TSHZ3: variants seen among roughly 807,000 people sequenced by gnomAD.
The protein encoded by TSHZ3 is teashirt zinc finger homeobox 3.
In TSHZ3, 10 loss-of-function variants were observed where a neutral mutation model predicts 64.5. The ratio of observed to expected loss-of-function variants is 0.16; its 90% CI spans 0.10 to 0.26. The LOEUF (loss-of-function observed/expected upper bound fraction) is 0.26, where lower values mean the gene tolerates loss of function less well. Among genes scored for constraint, TSHZ3 ranks in the 10% least tolerant of loss-of-function variants. The pLI is 1.00. For missense variants in TSHZ3, 1,242 were observed against 1,421.7 expected (o/e 0.87, Z 2.03); for synonymous variants, 608 against 593.1 (o/e 1.03, Z -0.36).
chr19:31,183,280 T>C (rs2145129257), intron 5 of TSHZ3, among the ~76,000 whole-genome samples: 1 of 151,624 alleles, frequency 6.6e-6, no homozygotes, highest in East Asian at 2.0e-4. Flanking sequence ...CCTTTGCCAG[T>C]GTAGGTGCTG....
At chr19:31,239,156 T>C (rs1470221081) in intron 3 of TSHZ3, among the ~76,000 whole-genome samples, 2 of 152,162 alleles carry the variant, frequency 1.3e-5, no homozygotes, top group Non-Finnish European at 2.9e-5. Context: ...TGTTTTACAA[T>C]AAATATTTTT....
At chr19:31,300,560 C>T (rs1208735603) in intron 1 of TSHZ3, among the ~76,000 whole-genome samples, 1 of 152,102 alleles carries the variant, frequency 6.6e-6, no homozygotes, top group Admixed American at 6.6e-5. Flanking sequence ...AGGGATGGCC[C>T]CAGGAGAGCT....
At chr19:31,192,643 GT>G (rs1974928061) in intron 5 of TSHZ3, among the ~76,000 whole-genome samples, 1 of 152,052 alleles carries the variant, frequency 6.6e-6, no homozygotes, top group Non-Finnish European at 1.5e-5. Flanking sequence ...ATCCAACATT[GT>G]TTTGGGGCCA....
intron 4 of TSHZ3, among the ~76,000 whole-genome samples, chr19:31,213,084 G>A (rs749565143): frequency 5.9e-5 from 9 of 151,908 alleles, no homozygotes; most frequent in Non-Finnish European, 1.0e-4. Flanking sequence ...GACTGGGTGC[G>A]GTGGCTCAAG....
intron 4 of TSHZ3, among the ~76,000 whole-genome samples, chr19:31,224,637 C>T (rs180841826): frequency 1.8e-4 from 27 of 152,262 alleles, no homozygotes; most frequent in Admixed American, 1.6e-3. Flanking sequence ...AATACTCTAG[C>T]CTTAGGGCTT....
intron 1 of TSHZ3, among the ~76,000 whole-genome samples, chr19:31,262,047 C>G (rs1422798338): frequency 1.3e-5 from 2 of 152,172 alleles, no homozygotes; most frequent in African/African-American, 2.4e-5. Context: ...TAGCTTGGAG[C>G]CTCAGTCACA....
intron 1 of TSHZ3, among the ~76,000 whole-genome samples, chr19:31,248,592 G>C (rs943587405): frequency 6.7e-6 from 1 of 149,956 alleles, no homozygotes; most frequent in Non-Finnish European, 1.5e-5. Context: ...GACCAGCCCA[G>C]GCAACACAGC....
intron 1 of TSHZ3, among the ~76,000 whole-genome samples, chr19:31,295,574 C>T (rs904278248): frequency 5.9e-5 from 9 of 152,032 alleles, no homozygotes; most frequent in African/African-American, 2.2e-4. Flanking sequence ...CAAAGCTCAC[C>T]TGTGGTGTTA....
chr19:31,221,196 G>A (rs558577138), intron 4 of TSHZ3, among the ~76,000 whole-genome samples: 1 of 152,286 alleles, frequency 6.6e-6, no homozygotes, highest in Non-Finnish European at 1.5e-5. Flanking sequence ...TGTAGCATTA[G>A]AGGTAAGGGT....
intron 1 of TSHZ3, chr19:31,348,817 GGAA>G: frequency 4.3e-6 from 1 of 234,908 alleles, no homozygotes; most frequent in Non-Finnish European, 8.2e-6. Context: ...CGGAGGACGC[GGAA>G]GATGTCCCGG....
At chr19:31,151,460 C>T (rs1321410550) in exon 7 of TSHZ3, among the ~76,000 whole-genome samples, 1 of 152,132 alleles carries the variant, frequency 6.6e-6, no homozygotes, top group Non-Finnish European at 1.5e-5. Context: ...TCTGACCTAG[C>T]CACCCAGTCT....
intron 1 of TSHZ3, among the ~76,000 whole-genome samples, chr19:31,266,950 G>C (rs912524717): frequency 6.6e-6 from 1 of 152,136 alleles, no homozygotes; most frequent in Non-Finnish European, 1.5e-5. Flanking sequence ...AGTACACCTC[G>C]GGCCCTGTCC....
rs760897421 is a variant in TSHZ3, at chr19:31,279,756, C to A, written c.41-4G>T. On this transcript the variant is annotated splice_region_variant and splice_polypyrimidine_tract_variant and intron_variant, in intron 1 of 1. Coordinates refer to ENST00000240587, the MANE Select transcript of TSHZ3 (RefSeq NM_020856.4). This position sits in a 1 kb window ranked among gnomAD's most constrained non-coding sequence, Gnocchi z 6.4. The stretch of plus-strand genomic sequence containing the variant: ...TTTAACTCTTCGGAAACATAGGCTG[C>A]CATGATAACAGGTGGGAAAGAGAGA... 7 of 1,481,796 alleles carry A rather than the reference C, an allele frequency of 4.7e-6. No individual in the cohort carries two copies. The highest frequency in any genetic ancestry group is 6.3e-6 in the Non-Finnish European group (7 of 1,116,120). The allele number at this position is 1,481,796 out of a possible 1,614,324, so 91.8% of individuals were successfully genotyped here. A position where few individuals can be genotyped will look rare whatever the true frequency, so the allele number is the denominator to read the frequency against.
At chr19:31,161,811 C>T (rs983933087) in intron 5 of TSHZ3, among the ~76,000 whole-genome samples, 1 of 152,240 alleles carries the variant, frequency 6.6e-6, no homozygotes, top group Admixed American at 6.5e-5. Context: ...GCAGGCCACA[C>T]GGTCTCTGTT....
intron 1 of TSHZ3, among the ~76,000 whole-genome samples, chr19:31,335,222 C>T (rs950927446): frequency 3.3e-5 from 5 of 152,212 alleles, no homozygotes; most frequent in African/African-American, 1.2e-4. Flanking sequence ...TGCCCTTCCC[C>T]GACGAACCGC....
chr19:31,164,129 G>C (rs1013505717), intron 5 of TSHZ3, among the ~76,000 whole-genome samples: 4 of 152,086 alleles, frequency 2.6e-5, no homozygotes, highest in African/African-American at 9.7e-5. Flanking sequence ...GACAGCCAGA[G>C]GTCTAGAGGA....
At chr19:31,311,817 G>A (rs11084579) in intron 1 of TSHZ3, among the ~76,000 whole-genome samples, 47,444 of 152,018 alleles carry the variant, frequency 0.31, 7,596 homozygotes, top group East Asian at 0.47. Context: ...TCCACCTCCC[G>A]GGTTCAAGGG....
At chr19:31,184,953 G>A (rs11882360) in intron 5 of TSHZ3, among the ~76,000 whole-genome samples, 6,051 of 152,240 alleles carry the variant, frequency 0.04, 403 homozygotes, top group African/African-American at 0.14. Flanking sequence ...CCCCCAAGGG[G>A]TTAAGGAAGA....
Position 31,277,408 on chromosome 19 carries a change from C to T in TSHZ3, c.2385G>A (p.Gly795=). The change falls in exon 2 of 2, where the codon GGG becomes GGA. Residue 795 remains glycine (G), a synonymous_variant. Transcript: ENST00000240587. The surrounding 1 kb of genome is among the most constrained non-coding windows in gnomAD (Gnocchi z 4.5). ...NNDQPIDLTK[G]KSDKGCSLGS... is the part of the protein sequence containing the mutation. ...CCAAGGAGCAGCCTTTGTCACTCTT[C>T]CCTTTTGTCAAGTCTATGGGCTGGT... 3 of 1,614,100 alleles carry T rather than the reference C, an allele frequency of 1.9e-6. No homozygotes were observed. Among genetic ancestry groups the T allele is most frequent in the Non-Finnish European group, 1.7e-6 (2 of 1,180,028 alleles).
Sources: allele counts gnomAD v4.1 joint callset (sites outside exome capture counted in the v4.1 genomes callset), GRCh38; gene constraint gnomAD v4.1.1; non-coding constraint Gnocchi (gnomAD v3.1); transcripts MANE v1.5; gene names NCBI Gene and HGNC (gene_info 2026-07-23, HGNC 2026-07-21).